The following DPP6 variants were observed in gnomAD, a reference collection of about 807,000 sequenced individuals.
The protein encoded by DPP6 is dipeptidyl peptidase like 6, also known as A-type potassium channel modulatory protein DPP6.
In DPP6, 69 loss-of-function variants were observed where a neutral mutation model predicts 122.6. That is an observed-to-expected ratio of 0.56 (90% CI 0.46 to 0.69). The LOEUF (loss-of-function observed/expected upper bound fraction) is 0.69. Ranked by LOEUF, DPP6 falls within the 30% of genes least tolerant of loss-of-function variation. The pLI is 0.00. For synonymous variants in DPP6, 418 were observed against 433.1 expected (o/e 0.97, Z 0.43); for missense variants, 928 against 1,116.9 (o/e 0.83, Z 2.41).
chr7:154,425,621 G>GGTGT (rs3056535), intron 1 of DPP6, among the ~76,000 whole-genome samples: 3,936 of 121,418 alleles, frequency 0.032, 100 homozygotes, highest in African/African-American at 0.11. Flanking sequence ...TGTGTGTGTG[G>GGTGT]GTGTGTGTGT....
At chr7:154,514,481 C>T (rs902614275) in intron 3 of DPP6, among the ~76,000 whole-genome samples, 3 of 152,030 alleles carry the variant, frequency 2.0e-5, no homozygotes, top group South Asian at 2.1e-4. Flanking sequence ...CACCCATCTC[C>T]TCCATCCATC....
chr7:154,032,428 GATTTT>G (rs1453993102), intron 1 of DPP6, among the ~76,000 whole-genome samples: 4 of 152,166 alleles, frequency 2.6e-5, no homozygotes, highest in African/African-American at 9.7e-5. Context: ...TGGGAGCACT[GATTTT>G]ATTTTATTTA....
At chr7:154,622,417 GCTTCAGCCTGGAATTGTCACA>G (rs1175940045) in intron 5 of DPP6, among the ~76,000 whole-genome samples, 1 of 152,184 alleles carries the variant, frequency 6.6e-6, no homozygotes, top group Non-Finnish European at 1.5e-5. Context: ...CTGCTTTTCT[GCTTCAGCCTGGAATTGTCACA>G]GAATATCCCA....
chr7:153,844,093 C>T, the DPP6 span, among the ~76,000 whole-genome samples: 4 of 152,186 alleles, frequency 2.6e-5, no homozygotes, highest in African/African-American at 9.7e-5. Context: ...ACCTCCCTGA[C>T]TGCACGTCTG....
At chr7:153,851,622 T>G in the DPP6 span, among the ~76,000 whole-genome samples, 1 of 152,214 alleles carries the variant, frequency 6.6e-6, no homozygotes, top group Non-Finnish European at 1.5e-5. Flanking sequence ...TGTTTTATAT[T>G]ACTTATATCT....
rs148495479 is a variant in DPP6, at chr7:154,853,892, TGA to T, written c.1714+68_1714+69del. 2,416 of 1,598,622 alleles carry T rather than the reference TGA, an allele frequency of 1.5e-3. 29 individuals carry two copies. In the African/African-American group the frequency reaches 0.028, roughly 19 times the overall value. ...AGGAGAAAGGAAGCAAAACACTCTA[TGA>T]GATCAGCTGGCCCACATTCTCCTAC... On this transcript the variant is annotated intron_variant, in intron 17 of 25. Coordinates refer to ENST00000377770, the MANE Select transcript of DPP6 (RefSeq NM_130797.4).
chr7:154,475,730 TC>T (rs1431396690), intron 3 of DPP6: 1 of 152,576 alleles, frequency 6.6e-6, no homozygotes, highest in African/African-American at 2.4e-5. Flanking sequence ...GATGTACCCA[TC>T]CCTCCACAGG....
chr7:154,109,715 G>A (rs1239707260), intron 1 of DPP6, among the ~76,000 whole-genome samples: 1 of 151,228 alleles, frequency 6.6e-6, no homozygotes, highest in East Asian at 1.9e-4. Flanking sequence ...CTGAGAAGGG[G>A]AAAGACAGTA....
At chr7:154,364,016 G>C (rs1462496880) in intron 1 of DPP6, among the ~76,000 whole-genome samples, 1 of 152,132 alleles carries the variant, frequency 6.6e-6, no homozygotes. Context: ...TGTGTTGTCT[G>C]TCCAGCCCTT....
At chr7:154,407,002 A>G (rs1200858028) in intron 1 of DPP6, among the ~76,000 whole-genome samples, 1 of 152,148 alleles carries the variant, frequency 6.6e-6, no homozygotes, top group Non-Finnish European at 1.5e-5. Flanking sequence ...TTCCATCAGT[A>G]CACAAATCAG....
intron 1 of DPP6, among the ~76,000 whole-genome samples, chr7:153,900,555 G>A (rs1477158620): frequency 6.6e-6 from 1 of 152,130 alleles, no homozygotes; most frequent in African/African-American, 2.4e-5. Context: ...GGAAGGAGGT[G>A]CCAAGCTCTT....
intron 1 of DPP6, among the ~76,000 whole-genome samples, chr7:154,167,368 T>G (rs1797307266): frequency 6.6e-6 from 1 of 152,352 alleles, no homozygotes; most frequent in South Asian, 2.1e-4. Context: ...GTGCCAACCT[T>G]CTGCAGAAAT....
intron 2 of DPP6, among the ~76,000 whole-genome samples, chr7:154,447,678 A>G (rs1478592945): frequency 6.6e-6 from 1 of 152,200 alleles, no homozygotes; most frequent in Non-Finnish European, 1.5e-5. Context: ...CTCTTCAACA[A>G]AATAGTAGCA....
chr7:154,123,257 A>C (rs1807629354), intron 1 of DPP6, among the ~76,000 whole-genome samples: 1 of 152,226 alleles, frequency 6.6e-6, no homozygotes, highest in Admixed American at 6.5e-5. Flanking sequence ...TGTCCTCCCA[A>C]GATCCAGAAT....
At chr7:154,459,805 C>CAAAAAAAAAAAA (rs775605275) in intron 2 of DPP6, among the ~76,000 whole-genome samples, 22 of 62,920 alleles carry the variant, frequency 3.5e-4, no homozygotes, top group African/African-American at 4.1e-4. Flanking sequence ...GATTCCATCT[C>CAAAAAAAAAAAA]AAAAAAAAAA....
At chr7:154,336,724 T>C (rs1585981377) in intron 1 of DPP6, among the ~76,000 whole-genome samples, 1 of 151,922 alleles carries the variant, frequency 6.6e-6, no homozygotes, top group Non-Finnish European at 1.5e-5. Flanking sequence ...GCGGCTTGGG[T>C]AGGATTGTGG....
At position 154,289,592 on chromosome 7, in the gene DPP6, A is replaced by G. The variant is rs148099440; in HGVS notation, c.244-156622A>G. ...ACTAGGATGGCAGGTCCCTTCCCCA[A>G]TGAAACCCAGTGTGGGACAAAATGT... On this transcript the variant is annotated intron_variant, in intron 1 of 25. Transcript: ENST00000377770. Among the ~76,000 whole-genome samples, 287 of 152,292 alleles carry G rather than the reference A, an allele frequency of 1.9e-3. 1 individual carries two copies. Among genetic ancestry groups the G allele is most frequent in the South Asian group, 0.019 (90 of 4,832 alleles).
At chr7:154,231,499 G>A (rs1375110988) in intron 1 of DPP6, among the ~76,000 whole-genome samples, 1 of 152,178 alleles carries the variant, frequency 6.6e-6, no homozygotes, top group Admixed American at 6.5e-5. Context: ...ATGAGAGTCT[G>A]TTGCTGGGTC....
At chr7:153,887,665 G>T (rs1264755004) in exon 1 of DPP6, 11 of 1,613,704 alleles carry the variant, frequency 6.8e-6, no homozygotes, top group Non-Finnish European at 9.3e-6. Flanking sequence ...CCAGAAGTCG[G>T]GTTCGGACTT....
Sources: allele counts gnomAD v4.1 joint callset (sites outside exome capture counted in the v4.1 genomes callset), GRCh38; gene constraint gnomAD v4.1.1; transcripts MANE v1.5; gene names NCBI Gene and HGNC (gene_info 2026-07-23, HGNC 2026-07-21).